Variants in SS18 observed in about 807,000 individuals in gnomAD.
SS18 encodes the protein SS18 subunit of BAF chromatin remodeling complex.
In SS18, 28 loss-of-function variants were observed where a neutral mutation model predicts 72.5. The observed-to-expected ratio is 0.39, with a 90% CI of 0.29 to 0.53. SS18 has a LOEUF of 0.53. Ranked by LOEUF, SS18 falls within the 20% of genes least tolerant of loss-of-function variation. The pLI, the probability that SS18 is intolerant of heterozygous loss-of-function variation, is 0.76. For synonymous variants in SS18, 172 were observed against 164.2 expected (o/e 1.05, Z -0.37); for missense variants, 518 against 535.3 (o/e 0.97, Z 0.32).
intron 10 of SS18, among the ~76,000 whole-genome samples, chr18:26,020,812 A>G (rs1057357495): frequency 5.9e-5 from 9 of 152,220 alleles, no homozygotes; most frequent in African/African-American, 2.2e-4. Flanking sequence ...ATAGCAGAAA[A>G]GAAGAAAAGA....
rs60999827 is a variant in SS18, at chr18:26,060,771, C to CAAAAAAAAAAAAAAAAA, written c.232-3046_232-3030dup. 9.1e-4 allele frequency among the ~76,000 whole-genome samples: 36 copies of CAAAAAAAAAAAAAAAAA among 39,596 alleles called. 5 individuals carry two copies. Among genetic ancestry groups the CAAAAAAAAAAAAAAAAA allele is most frequent in the East Asian group, 1.7e-3 (3 of 1,732 alleles). 26.0% of individuals were successfully genotyped at this position (39,596 alleles called of 152,430 possible). A position where few individuals can be genotyped will look rare whatever the true frequency, so the allele number is the denominator to read the frequency against. On this transcript the variant is annotated intron_variant, in intron 3 of 10. Coordinates refer to ENST00000415083, the MANE Select transcript of SS18 (RefSeq NM_001007559.3). ...GAAACTCTGTCTCTACTAAAAATAC[C>CAAAAAAAAAAAAAAAAA]AAAAAAAAAAAAAAAAAAAAAAAAA...
intron 2 of SS18, chr18:26,081,248 G>A (rs1382662053): frequency 2.6e-5 from 4 of 152,118 alleles, no homozygotes; most frequent in Admixed American, 6.5e-5. Flanking sequence ...GGAGTGCAGT[G>A]GTGCGATCTT....
intron 5 of SS18, 70 bp downstream of exon 5, chr18:26,052,554 G>A: frequency 7.8e-7 from 1 of 1,277,370 alleles, no homozygotes; most frequent in Admixed American, 1.7e-5. Context: ...CTAAGAACCT[G>A]ACAACAATCA....
At position 26,083,179 on chromosome 18, in the gene SS18, C is replaced by T. The variant is rs796159886; in HGVS notation, c.146+4322G>A. On this transcript the variant is annotated intron_variant, in intron 2 of 10. Transcript: ENST00000415083. ...AGATTCTCCCTAAGTCAGTTTAAGC[C>T]CTATTTGCTTAAATTGTTCACCAAG... 9.9e-5 allele frequency among the ~76,000 whole-genome samples: 15 copies of T among 152,116 alleles called. 1 individual carries two copies. The highest frequency in any genetic ancestry group is 3.4e-4 in the African/African-American group (14 of 41,510).
chr18:26,041,499 A>C (rs2053722553), intron 5 of SS18, among the ~76,000 whole-genome samples: 1 of 152,220 alleles, frequency 6.6e-6, no homozygotes, highest in Non-Finnish European at 1.5e-5. Flanking sequence ...AAAAAGTTCC[A>C]AAACACTAGT....
upstream of SS18, chr18:26,091,014 G>A: frequency 4.7e-6 from 1 of 212,936 alleles, no homozygotes; most frequent in East Asian, 1.4e-4. Flanking sequence ...CTCCCTCTCC[G>A]GCCCTCTGAA....
chr18:26,090,464 G>T (rs747044960), intron 1 of SS18, 37 bp downstream of exon 1: 2 of 1,548,790 alleles, frequency 1.3e-6, no homozygotes, highest in Non-Finnish European at 1.7e-6. Context: ...CCCAGAGGCG[G>T]TAAGGGCCTG....
At chr18:26,048,160 T>G (rs1236102165) in intron 5 of SS18, among the ~76,000 whole-genome samples, 2 of 152,244 alleles carry the variant, frequency 1.3e-5, no homozygotes, top group African/African-American at 4.8e-5. Context: ...GCTGTAGGAA[T>G]GTGAATGTGG....
intron 3 of SS18, among the ~76,000 whole-genome samples, chr18:26,059,209 A>G (rs1311378024): frequency 6.6e-6 from 1 of 152,216 alleles, no homozygotes; most frequent in Admixed American, 6.5e-5. Flanking sequence ...TGAAGCCACT[A>G]AAGAGTGACT....
intron 3 of SS18, among the ~76,000 whole-genome samples, chr18:26,059,254 G>T (rs765090444): frequency 1.3e-5 from 2 of 152,166 alleles, no homozygotes; most frequent in African/African-American, 4.8e-5. Flanking sequence ...TACAACTCCT[G>T]AAAGAACGGA....
At chr18:26,056,454 C>T (rs2054023129) in intron 4 of SS18, among the ~76,000 whole-genome samples, 1 of 152,196 alleles carries the variant, frequency 6.6e-6, no homozygotes, top group African/African-American at 2.4e-5. Context: ...TACCTCCATA[C>T]TGGATGTGTG....
chr18:26,049,220 A>C (rs2053880321), intron 5 of SS18, among the ~76,000 whole-genome samples: 1 of 152,236 alleles, frequency 6.6e-6, no homozygotes, highest in Non-Finnish European at 1.5e-5. Context: ...GTCCAATATA[A>C]CATCTTCAGA....
At chr18:26,065,934 A>G (rs1333804165) in intron 3 of SS18, among the ~76,000 whole-genome samples, 1 of 151,280 alleles carries the variant, frequency 6.6e-6, no homozygotes, top group East Asian at 1.9e-4. Context: ...AAACATTGTT[A>G]TCTTGATTAT....
rs1244098036 is a variant in SS18, at chr18:26,085,697, G to A, written c.146+1804C>T. On this transcript the variant is annotated intron_variant, in intron 2 of 10. Coordinates refer to ENST00000415083, the MANE Select transcript of SS18 (RefSeq NM_001007559.3). Reference sequence around the variant, plus strand: ...TGGAGGGGAAGGAGATAAGACAGTGGCATGTAAAAGGTGACTTATCTCCAC... The same window carrying A: ...TGGAGGGGAAGGAGATAAGACAGTGACATGTAAAAGGTGACTTATCTCCAC... Among the ~76,000 whole-genome samples the A allele has an allele frequency of 6.6e-5, 10 of 152,272 alleles. No individual in the cohort carries two copies. In the South Asian group the frequency reaches 2.1e-3, roughly 32 times the overall value.
intron 3 of SS18, among the ~76,000 whole-genome samples, chr18:26,071,596 C>T (rs540650408): frequency 6.6e-6 from 1 of 152,150 alleles, no homozygotes; most frequent in Non-Finnish European, 1.5e-5. Context: ...TTTGGGAGGC[C>T]AAGGCAGGAG....
At chr18:26,057,473 T>C (rs1208434992) in intron 4 of SS18, 116 bp downstream of exon 4, 1 of 1,184,318 alleles carries the variant, frequency 8.4e-7, no homozygotes, top group Non-Finnish European at 1.2e-6. Flanking sequence ...AGAGAGCTTG[T>C]ACTCGGGGGC....
intron 5 of SS18, among the ~76,000 whole-genome samples, chr18:26,047,200 C>T (rs1036977429): frequency 6.1e-5 from 9 of 147,004 alleles, no homozygotes; most frequent in Middle Eastern, 3.5e-3. Context: ...TTTCTGTTAG[C>T]GCCTGGCACT....
chr18:26,030,818 AT>A (rs1486928108), intron 10 of SS18, among the ~76,000 whole-genome samples: 1 of 152,188 alleles, frequency 6.6e-6, no homozygotes, highest in Admixed American at 6.5e-5. Flanking sequence ...TCAAGAATTG[AT>A]ATTAGGGTAA....
At chr18:26,028,810 A>G (rs1404630637) in intron 10 of SS18, among the ~76,000 whole-genome samples, 1 of 152,232 alleles carries the variant, frequency 6.6e-6, no homozygotes, top group Non-Finnish European at 1.5e-5. Context: ...GGCATGATAG[A>G]TACCCCATTA....
Sources: allele counts gnomAD v4.1 joint callset (sites outside exome capture counted in the v4.1 genomes callset), GRCh38; gene constraint gnomAD v4.1.1; transcripts MANE v1.5; gene names NCBI Gene and HGNC (gene_info 2026-07-23, HGNC 2026-07-21).